MAGI3: variants seen among roughly 807,000 people sequenced by gnomAD.
MAGI3 encodes membrane-associated guanylate kinase, WW and PDZ domain-containing protein 3.
A neutral mutation model predicts 121.8 loss-of-function variants in MAGI3; 43 were observed. The ratio of observed to expected loss-of-function variants is 0.35; its 90% CI spans 0.28 to 0.46. The LOEUF (loss-of-function observed/expected upper bound fraction) is 0.46, where lower values mean the gene tolerates loss of function less well. MAGI3 is among the 20% of genes least tolerant of loss of function. MAGI3 has a pLI of 1.00. For missense variants in MAGI3, 1,547 were observed against 1,797.3 expected, an observed-to-expected ratio of 0.86 and a Z score of 2.52; for synonymous variants, 553 against 639.3, an observed-to-expected ratio of 0.86 and a Z score of 2.04.
At chr1:113,419,342 A>G (rs1175360250) in intron 1 of MAGI3, among the ~76,000 whole-genome samples, 1 of 152,116 alleles carries the variant, frequency 6.6e-6, no homozygotes, top group African/African-American at 2.4e-5. Flanking sequence ...GTTAACTTAT[A>G]TTTTTATTAC....
chr1:113,455,989 C>T (rs943047182), intron 1 of MAGI3, among the ~76,000 whole-genome samples: 7 of 151,494 alleles, frequency 4.6e-5, no homozygotes, highest in East Asian at 1.9e-4. Flanking sequence ...CTTGCTCTGT[C>T]GCCCAGGCTG....
intron 1 of MAGI3, among the ~76,000 whole-genome samples, chr1:113,421,871 T>A (rs2101383856): frequency 6.6e-6 from 1 of 152,302 alleles, no homozygotes; most frequent in Non-Finnish European, 1.5e-5. Flanking sequence ...TTTTTTTTTT[T>A]TTCAATCTAT....
intron 2 of MAGI3, among the ~76,000 whole-genome samples, chr1:113,578,242 T>G (rs1647780600): frequency 6.6e-6 from 1 of 152,120 alleles, no homozygotes; most frequent in South Asian, 2.1e-4. Context: ...ATCCCTAAAC[T>G]TGGACAACAT....
chr1:113,601,408 A>G lies in MAGI3; in HGVS notation c.1018+6848A>G, dbSNP rs1259617515. Among the ~76,000 whole-genome samples the G allele has an allele frequency of 3.3e-5, 5 of 151,266 alleles. No homozygotes were observed. The South Asian group carries it at 6.3e-4, about 19-fold the overall frequency. On this transcript the variant is annotated intron_variant, in intron 6 of 20. Coordinates refer to ENST00000307546, the MANE Select transcript of MAGI3 (RefSeq NM_001142782.2). ...CAAACAACCCCATCAAAAAGTGGGCAAAGGACATGAACAGACACTTCTCAA... is the reference window on the plus strand; with the variant it reads ...CAAACAACCCCATCAAAAAGTGGGCGAAGGACATGAACAGACACTTCTCAA...
intron 1 of MAGI3, among the ~76,000 whole-genome samples, chr1:113,414,074 G>C (rs897913782): frequency 2.0e-5 from 3 of 152,132 alleles, no homozygotes; most frequent in Non-Finnish European, 2.9e-5. Flanking sequence ...TTTATTGAGA[G>C]TATTTAGCAT....
At chr1:113,681,142 A>C in intron 19 of MAGI3, 56 bp from the exon 20 acceptor site, 1 of 1,581,146 alleles carries the variant, frequency 6.3e-7, no homozygotes, top group South Asian at 1.2e-5. Context: ...TGACAAAAGC[A>C]GAATTTACAA....
At chr1:113,540,037 C>T (rs931226881) in intron 1 of MAGI3, among the ~76,000 whole-genome samples, 3 of 151,998 alleles carry the variant, frequency 2.0e-5, no homozygotes, top group Non-Finnish European at 2.9e-5. Context: ...TGGGCTTAAG[C>T]GATCCACCCA....
At chr1:113,557,559 CAG>C (rs1660049013) in intron 2 of MAGI3, among the ~76,000 whole-genome samples, 1 of 152,184 alleles carries the variant, frequency 6.6e-6, no homozygotes, top group South Asian at 2.1e-4. Context: ...ATGGAACTGA[CAG>C]AGCTCCAATT....
At chr1:113,398,134 A>C (rs1007225273) in intron 1 of MAGI3, among the ~76,000 whole-genome samples, 3 of 152,052 alleles carry the variant, frequency 2.0e-5, no homozygotes, top group Non-Finnish European at 4.4e-5. Flanking sequence ...AGTCATCCCA[A>C]CATGGCCAGG....
chr1:113,553,183 A>G (rs754702730), intron 2 of MAGI3, among the ~76,000 whole-genome samples: 1 of 152,194 alleles, frequency 6.6e-6, no homozygotes, highest in Non-Finnish European at 1.5e-5. Flanking sequence ...GAGGAATCCT[A>G]TAATTTCCTC....
At chr1:113,657,847 T>C (rs1164655257) in intron 15 of MAGI3, among the ~76,000 whole-genome samples, 1 of 152,226 alleles carries the variant, frequency 6.6e-6, no homozygotes, top group Non-Finnish European at 1.5e-5. Context: ...CTTCCAACAT[T>C]GACTTACTCT....
In MAGI3 at chr1:113,451,720, C is replaced by A. The variant is rs140476419; in HGVS notation, c.316+60371C>A. On this transcript the variant is annotated intron_variant, in intron 1 of 20. Transcript: ENST00000307546. ...CACGGCATTAAGAAGAGAAAATAAT[C>A]CCAACTATTAACAATTTCATCTGTG... Among the ~76,000 whole-genome samples the A allele has an allele frequency of 3.1e-4, 47 of 152,164 alleles. 2 individuals carry two copies. The East Asian group carries it at 8.5e-3, about 28-fold the overall frequency.
chr1:113,583,266 G>A (rs1337577446), intron 3 of MAGI3, among the ~76,000 whole-genome samples: 9 of 151,516 alleles, frequency 5.9e-5, no homozygotes, highest in Non-Finnish European at 8.8e-5. Flanking sequence ...ATTTACATTA[G>A]GTATATCTCC....
intron 1 of MAGI3, among the ~76,000 whole-genome samples, chr1:113,408,566 A>G (rs1245795900): frequency 6.7e-6 from 1 of 149,530 alleles, no homozygotes; most frequent in Non-Finnish European, 1.5e-5. Context: ...TTTAAAAGTC[A>G]AACTAATTGT....
At chr1:113,581,174 G>A (rs1398345917) in intron 3 of MAGI3, 1 of 152,210 alleles carries the variant, frequency 6.6e-6, no homozygotes, top group Non-Finnish European at 1.5e-5. Flanking sequence ...ATTTTTAAAT[G>A]ACTCTGTTAG....
At chr1:113,574,269 A>G (rs978660516) in intron 2 of MAGI3, among the ~76,000 whole-genome samples, 1 of 152,156 alleles carries the variant, frequency 6.6e-6, no homozygotes, top group Non-Finnish European at 1.5e-5. Flanking sequence ...ACATTAGTCG[A>G]TGCAGTTTCT....
intron 1 of MAGI3, among the ~76,000 whole-genome samples, chr1:113,524,345 A>G (rs111826345): frequency 4.5e-4 from 68 of 152,184 alleles, no homozygotes; most frequent in African/African-American, 1.6e-3. Flanking sequence ...TGGTAGATCC[A>G]CAGACAGCTT....
At chr1:113,512,651 A>G (rs1036137362) in intron 1 of MAGI3, among the ~76,000 whole-genome samples, 1 of 152,196 alleles carries the variant, frequency 6.6e-6, no homozygotes, top group Non-Finnish European at 1.5e-5. Flanking sequence ...TATCTATGAC[A>G]AACCCACAAC....
chr1:113,451,118 A>C (rs983288492), intron 1 of MAGI3, among the ~76,000 whole-genome samples: 3 of 152,228 alleles, frequency 2.0e-5, no homozygotes, highest in African/African-American at 7.2e-5. Context: ...TTAACTTTTC[A>C]AAAGAAAAAT....
Sources: allele counts gnomAD v4.1 joint callset (sites outside exome capture counted in the v4.1 genomes callset), GRCh38; gene constraint gnomAD v4.1.1; transcripts MANE v1.5; gene names NCBI Gene and HGNC (gene_info 2026-07-23, HGNC 2026-07-21).